DHPS: variants seen among roughly 807,000 people sequenced by gnomAD.
DHPS encodes the protein deoxyhypusine synthase.
A neutral mutation model predicts 38.7 loss-of-function variants in DHPS; 24 were observed. The observed-to-expected ratio is 0.62, with a 90% CI of 0.45 to 0.87. The LOEUF is 0.87. Ranked by LOEUF, DHPS falls within the 40% of genes least tolerant of loss-of-function variation. DHPS has a pLI of 0.00. For missense variants in DHPS, 510 were observed against 497.6 expected (o/e 1.02, Z -0.24); for synonymous variants, 250 against 204.4 (o/e 1.22, Z -1.90).
chr19:12,680,397 G>A (rs942451951), intron 1 of DHPS, 72 bp from the exon 2 acceptor site: 11 of 1,558,558 alleles, frequency 7.1e-6, no homozygotes, highest in African/African-American at 2.7e-5. Context: ...GTGGGCTCCA[G>A]AAACAGATTT....
chr19:12,679,860 G>C lies in DHPS; in HGVS notation c.435C>G (p.Pro145=). The change falls in exon 3 of 9, where the codon CCC becomes CCG. Residue 145 remains proline (P), a synonymous_variant. Transcript: ENST00000210060. ...VEEDLIKCLA[P]TYLGEFSLRG... ...TGAGGCTAAACTCGCCCAAGTATGT[G>C]GGCGCCAGGCACTTGATGAGGTCTT... 6.2e-7 allele frequency: 1 copy of C among 1,614,136 alleles called. No individual in the cohort carries two copies. The highest frequency in any genetic ancestry group is 8.5e-7 in the Non-Finnish European group (1 of 1,180,012).
At position 12,679,465 on chromosome 19, in the gene DHPS, C is replaced by T. The variant is rs575896014; in HGVS notation, c.670G>A (p.Ala224Thr). ...INNPESVYYWAQKNHIPVFSP... is the reference protein window; with the variant it reads ...INNPESVYYWTQKNHIPVFSP... ...CCCGCTTAGGTCCTCACCTTCTGGG[C>T]CCAGTAATACACGGACTCTGGGTTG... Residue 224 changes from alanine (A) to threonine (T), a missense_variant, in exon 5 of 9, where the codon GCC becomes ACC. By Grantham distance (58) the Ala-to-Thr change is moderately conservative. Transcript: ENST00000210060. The T allele has an allele frequency of 6.2e-7, 1 of 1,614,176 alleles. No homozygotes were observed. Among genetic ancestry groups the T allele is most frequent in the South Asian group, 1.1e-5 (1 of 91,088 alleles).
chr19:12,675,872 A>G lies in DHPS; in HGVS notation c.1076T>C (p.Met359Thr), dbSNP rs769894618. 7.5e-6 allele frequency: 12 copies of G among 1,609,666 alleles called. No homozygotes were observed. Among genetic ancestry groups the G allele is most frequent in the South Asian group, 3.3e-5 (3 of 90,548 alleles). The stretch of plus-strand genomic sequence containing the variant: ...GTTCTTCTCATGCATGAAGGCATCC[A>G]TCTTCTGGGCAAAGGTTTCAGCCAC... ...LLVAETFAQK[M>T]DAFMHEKNED The change falls in exon 9 of 9, where the codon ATG becomes ACG. Residue 359 changes from methionine (M) to threonine (T), a missense_variant. Transcript: ENST00000210060.
In DHPS at chr19:12,675,907, G is replaced by A. The variant is rs770727735; in HGVS notation, c.1041C>T (p.Phe347=). The change falls in exon 9 of 9, where the codon TTC becomes TTT. Residue 347 remains phenylalanine (F), a synonymous_variant. Transcript: ENST00000210060. ...CAAAGGTTTCAGCCACAAGCAGGGGGAAGACCAGGGAGGCGTCAGCATAGA... is the reference window on the plus strand; with the variant it reads ...CAAAGGTTTCAGCCACAAGCAGGGGAAAGACCAGGGAGGCGTCAGCATAGA... ...VKVYADASLV[F]PLLVAETFAQ... is the part of the protein sequence containing the mutation. 6.2e-7 allele frequency: 1 copy of A among 1,609,318 alleles called. No individual in the cohort carries two copies. The highest frequency in any genetic ancestry group is 1.1e-5 in the South Asian group (1 of 90,512).
chr19:12,681,306 T>C, intron 1 of DHPS: 1 of 1,198,722 alleles, frequency 8.3e-7, no homozygotes, highest in Non-Finnish European at 1.1e-6. Flanking sequence ...TAAATGTACC[T>C]AGAACCCGCC....
intron 5 of DHPS, 119 bp from the exon 6 acceptor site, chr19:12,677,515 A>G (rs1210967472): frequency 1.3e-6 from 1 of 788,048 alleles, no homozygotes; most frequent in African/African-American, 1.7e-5. Flanking sequence ...CCTCAATTAT[A>G]AGCATAACAG....
intron 1 of DHPS, chr19:12,680,927 G>A (rs1359273898): frequency 1.3e-5 from 3 of 228,258 alleles, no homozygotes; most frequent in African/African-American, 8.1e-5. Flanking sequence ...TCCACCTCGC[G>A]GGTTCAAGCG....
intron 1 of DHPS, chr19:12,681,230 A>G (rs1248270523): frequency 1.9e-5 from 24 of 1,256,238 alleles, no homozygotes; most frequent in Non-Finnish European, 2.3e-5. Flanking sequence ...GCCCAGACTT[A>G]GGCTCCTCCT....
In DHPS at chr19:12,679,642, A is replaced by C; in HGVS notation, c.572T>G (p.Val191Gly). 1 of 1,613,858 alleles carries C rather than the reference A, an allele frequency of 6.2e-7. No individual in the cohort carries two copies. Among genetic ancestry groups the C allele is most frequent in the Non-Finnish European group, 8.5e-7 (1 of 1,179,970 alleles). Residue 191 changes from valine to glycine, a missense_variant, in exon 4 of 9, where the codon GTG (valine) becomes GGG (glycine). Transcript: ENST00000210060. Reference sequence around the variant, plus strand: ...CCCCACCTCTGTGTTCTGCTCCATCACCATCTGGTCCAGAATGGGCATCAG... The same window carrying C: ...CCCCACCTCTGTGTTCTGCTCCATCCCCATCTGGTCCAGAATGGGCATCAG... ...DWLMPILDQM[V>G]MEQNTEGVKW...
intron 1 of DHPS, 119 bp from the exon 2 acceptor site, chr19:12,680,444 G>A: frequency 9.9e-7 from 1 of 1,006,310 alleles, no homozygotes; most frequent in Non-Finnish European, 1.5e-6. Context: ...TACAGGACCA[G>A]TTCTACAGGG....
Position 12,680,180 on chromosome 19 carries a change from T to A in DHPS, c.353A>T (p.Tyr118Phe). 6.2e-7 allele frequency: 1 copy of A among 1,614,132 alleles called. No individual in the cohort carries two copies. Among genetic ancestry groups the A allele is most frequent in the East Asian group, 2.2e-5 (1 of 44,882 alleles). ...CCCCACCATGTTGTGCTGCACAAGGTAGCGAATGGTCTCACGGATGCCTGA... is the reference window on the plus strand; with the variant it reads ...CCCCACCATGTTGTGCTGCACAAGGAAGCGAATGGTCTCACGGATGCCTGA... ...ISSGIRETIR[Y>F]LVQHNMVDVL... The change falls in exon 2 of 9, where the codon TAC becomes TTC. Residue 118 changes from tyrosine (Y) to phenylalanine (F), a missense_variant. By Grantham distance (22) the Tyr-to-Phe change is conservative. Transcript: ENST00000210060.
intron 7 of DHPS, chr19:12,676,753 C>A (rs1336778145): frequency 9.4e-6 from 3 of 317,808 alleles, no homozygotes; most frequent in Non-Finnish European, 1.8e-5. Flanking sequence ...ACTTTGCAAT[C>A]CAGAAGCTCA....
chr19:12,672,758 A>C, downstream of DHPS: 1 of 1,340,986 alleles, frequency 7.5e-7, no homozygotes, highest in South Asian at 1.3e-5. Context: ...GCACTGGAAG[A>C]GCAGGCCCAC....
intron 5 of DHPS, 138 bp from the exon 6 acceptor site, chr19:12,677,534 C>T (rs987402768): frequency 1.4e-6 from 1 of 691,332 alleles, no homozygotes. Context: ...AGAAACACCT[C>T]TCACAGATGA....
At position 12,676,129 on chromosome 19, in the gene DHPS, T is replaced by C; in HGVS notation, c.902A>G (p.Asp301Gly). 6.2e-7 allele frequency: 1 copy of C among 1,611,146 alleles called. No individual in the cohort carries two copies. Among genetic ancestry groups the C allele is most frequent in the Non-Finnish European group, 8.5e-7 (1 of 1,178,936 alleles). Residue 301 changes from aspartate to glycine, a missense_variant, in exon 8 of 9, where the codon GAC (aspartate) becomes GGC (glycine). Coordinates refer to ENST00000210060, the MANE Select transcript of DHPS (RefSeq NM_001930.4). ...ANANLMRNGA[D>G]YAVYINTAQE... ...GGCTGTGTTGATGTAAACAGCGTAG[T>C]CGGCCCCGTTCCGCTGTGGGGAGGC...
At position 12,681,822 on chromosome 19, in the gene DHPS, C is replaced by A; in HGVS notation, c.-56G>T. On this transcript the variant is annotated 5_prime_UTR_variant, in exon 1 of 9. Coordinates refer to ENST00000210060, the MANE Select transcript of DHPS (RefSeq NM_001930.4). ...GCCCCTAGGCCGGGCTTACGGCGGC[C>A]CAGAAACGCGTTAAACCCCGACGCG... The A allele has an allele frequency of 2.0e-6, 3 of 1,522,416 alleles. No homozygotes were observed. The highest frequency in any genetic ancestry group is 2.7e-6 in the Non-Finnish European group (3 of 1,118,530). The allele number at this position is 1,522,416 out of a possible 1,614,324, so 94.3% of individuals were successfully genotyped here. A position where few individuals can be genotyped will look rare whatever the true frequency, so the allele number is the denominator to read the frequency against.
downstream of DHPS, among the ~76,000 whole-genome samples, chr19:12,674,470 G>A (rs1026381514): frequency 2.0e-5 from 3 of 152,194 alleles, no homozygotes; most frequent in Admixed American, 6.5e-5. Flanking sequence ...AAGACTTGGC[G>A]GACAAGCTCT....
At chr19:12,680,532 AC>A (rs2024771323) in intron 1 of DHPS, among the ~76,000 whole-genome samples, 1 of 124,314 alleles carries the variant, frequency 8.0e-6, no homozygotes, top group East Asian at 2.3e-4. Flanking sequence ...ATTTGCCCCC[AC>A]CCTTTTTTTT....
At chr19:12,679,122 C>T (rs901824279) in intron 5 of DHPS, among the ~76,000 whole-genome samples, 3 of 151,866 alleles carry the variant, frequency 2.0e-5, no homozygotes, top group Non-Finnish European at 4.4e-5. Flanking sequence ...ACAGGGAGAC[C>T]CCCATCTCTA....
Sources: gnomAD v4.1 joint callset for allele counts (sites outside exome capture counted in the v4.1 genomes callset) on GRCh38, gnomAD v4.1.1 for gene constraint, MANE v1.5 for transcripts, NCBI Gene and HGNC (gene_info 2026-07-23, HGNC 2026-07-21) for gene names.